The following OSBPL3 variants were observed in gnomAD, a reference collection of about 807,000 sequenced individuals.
OSBPL3 encodes the protein oxysterol-binding protein-related protein 3.
Under a neutral mutation model 120.1 loss-of-function variants are expected in OSBPL3, and 65 were observed. The ratio of observed to expected loss-of-function variants is 0.54; its 90% CI spans 0.44 to 0.67. The LOEUF (loss-of-function observed/expected upper bound fraction) is 0.67. Ranked by LOEUF, OSBPL3 falls within the 30% of genes least tolerant of loss-of-function variation. OSBPL3 has a pLI of 0.00. For synonymous variants in OSBPL3, 416 were observed against 402.6 expected (o/e 1.03, Z -0.40); for missense variants, 1,004 against 1,082.1 (o/e 0.93, Z 1.01).
chr7:24,887,695 T>C (rs141253940), intron 2 of OSBPL3, among the ~76,000 whole-genome samples: 2 of 152,244 alleles, frequency 1.3e-5, no homozygotes, highest in Non-Finnish European at 2.9e-5. Context: ...CACTAAGGGG[T>C]GACAAACACA....
intron 1 of OSBPL3, among the ~76,000 whole-genome samples, chr7:24,973,052 T>C (rs1051692812): frequency 6.6e-6 from 1 of 152,210 alleles, no homozygotes; most frequent in Non-Finnish European, 1.5e-5. Flanking sequence ...TAGCAAACTT[T>C]AGTTATAGTA....
chr7:24,864,433 G>C (rs1357035632), intron 7 of OSBPL3, among the ~76,000 whole-genome samples: 2 of 152,150 alleles, frequency 1.3e-5, no homozygotes, highest in Non-Finnish European at 2.9e-5. Flanking sequence ...TAAGTTCCCG[G>C]GTGGACGCTG....
At chr7:24,902,701 A>AAATAATAAT (rs70942894) in intron 1 of OSBPL3, among the ~76,000 whole-genome samples, 31,854 of 143,818 alleles carry the variant, frequency 0.22, 3,683 homozygotes, top group South Asian at 0.28. Context: ...AAGAGAAAAT[A>AAATAATAAT]AATAATAATA....
chr7:24,931,756 G>T (rs1328671190), intron 1 of OSBPL3, among the ~76,000 whole-genome samples: 1 of 143,524 alleles, frequency 7.0e-6, no homozygotes, highest in Non-Finnish European at 1.5e-5. Flanking sequence ...TTTCCTAAAA[G>T]AAAAAAAAAA....
Position 24,862,281 on chromosome 7 carries a change from G to T in OSBPL3, c.871-512C>A, listed in dbSNP as rs1800676005. 6.6e-6 allele frequency among the ~76,000 whole-genome samples: 1 copy of T among 152,190 alleles called. No individual in the cohort carries two copies. On this transcript the variant is annotated intron_variant, in intron 9 of 22. Transcript: ENST00000313367. The surrounding 1 kb of genome is among the most constrained non-coding windows in gnomAD (Gnocchi z 4.4). Reference sequence around the variant, plus strand: ...AACTTGCTTCTTGTGAGCTAAAAATGGGTGAGAAATCACATATTCTTTTGG... The same window carrying T: ...AACTTGCTTCTTGTGAGCTAAAAATTGGTGAGAAATCACATATTCTTTTGG...
intron 1 of OSBPL3, among the ~76,000 whole-genome samples, chr7:24,954,607 C>A (rs1814825174): frequency 1.3e-5 from 2 of 152,002 alleles, no homozygotes; most frequent in Admixed American, 1.3e-4. Flanking sequence ...CAGAGGGGGC[C>A]AAGATGTAAA....
At chr7:24,807,449 C>G (rs904268207) in intron 20 of OSBPL3, among the ~76,000 whole-genome samples, 1 of 152,002 alleles carries the variant, frequency 6.6e-6, no homozygotes, top group Non-Finnish European at 1.5e-5. Flanking sequence ...GCCAAGATCA[C>G]GCCACTGCAT....
intron 20 of OSBPL3, among the ~76,000 whole-genome samples, chr7:24,807,826 A>G (rs187653461): frequency 6.6e-6 from 1 of 152,320 alleles, no homozygotes; most frequent in African/African-American, 2.4e-5. Context: ...AATGTAGACT[A>G]CTAAGATCTA....
At chr7:24,941,496 G>A (rs1384119244) in intron 1 of OSBPL3, among the ~76,000 whole-genome samples, 2 of 152,078 alleles carry the variant, frequency 1.3e-5, no homozygotes, top group Non-Finnish European at 2.9e-5. Context: ...CCCACTAAAT[G>A]ATGCCACACA....
At chr7:24,902,889 TG>T (rs1358124878) in intron 1 of OSBPL3, among the ~76,000 whole-genome samples, 2 of 152,134 alleles carry the variant, frequency 1.3e-5, no homozygotes, top group Non-Finnish European at 2.9e-5. Flanking sequence ...TAGCAAGAGA[TG>T]AGTATTTCTC....
Position 24,806,883 on chromosome 7 carries a change from G to T in OSBPL3, c.2337C>A (p.Tyr779Ter). Reference protein sequence around the residue: ...VWRANPMPKGYEQYYSFTQFA... With the variant: ...VWRANPMPKG ...ACTGTGTGAAGCTATAGTATTGCTC[G>T]TAGCCTTTCGGCATAGGATCTAAGA... The change falls in exon 21 of 23, where the codon TAC becomes TAA. Residue 779 changes from tyrosine (Y) to a stop codon, truncating the protein, a stop_gained. Transcript: ENST00000313367. LOFTEE classifies it high-confidence loss of function. The surrounding 1 kb of genome is among the most constrained non-coding windows in gnomAD (Gnocchi z 5.2). The T allele has an allele frequency of 6.2e-7, 1 of 1,610,724 alleles. No homozygotes were observed. The highest frequency in any genetic ancestry group is 8.5e-7 in the Non-Finnish European group (1 of 1,178,332).
At position 24,863,256 on chromosome 7, in the gene OSBPL3, A is replaced by G; in HGVS notation, c.814T>C (p.Ser272Pro). ...SFESPKKEKR[S>P]HRRWRSRAIG... ...GCTCTGGACCGCCACCTCCTGTGCGATCTTTTTTCCTTTTTGGGACTTTCA... is the reference window on the plus strand; with the variant it reads ...GCTCTGGACCGCCACCTCCTGTGCGGTCTTTTTTCCTTTTTGGGACTTTCA... The change falls in exon 9 of 23, where the codon TCG becomes CCG. Residue 272 changes from serine (S) to proline (P), a missense_variant. Ser to Pro is a moderately conservative substitution (Grantham distance 74). This residue lies in a region of OSBPL3 where 272 missense variants were observed against 248.8 expected (regional missense o/e 1.09). Coordinates refer to ENST00000313367, the MANE Select transcript of OSBPL3 (RefSeq NM_015550.4). This position sits in a 1 kb window ranked among gnomAD's most constrained non-coding sequence, Gnocchi z 5.8. The G allele has an allele frequency of 2.5e-6, 4 of 1,614,162 alleles. No homozygotes were observed. Among genetic ancestry groups the G allele is most frequent in the Non-Finnish European group, 3.4e-6 (4 of 1,180,010 alleles).
chr7:24,816,275 G>A (rs1184931669), intron 18 of OSBPL3, among the ~76,000 whole-genome samples: 7 of 152,182 alleles, frequency 4.6e-5, no homozygotes, highest in African/African-American at 1.7e-4. Context: ...CAATCTGCCC[G>A]CCTTGGCCTC....
At chr7:24,843,078 G>C (rs1427920118) in intron 12 of OSBPL3, among the ~76,000 whole-genome samples, 1 of 151,972 alleles carries the variant, frequency 6.6e-6, no homozygotes, top group African/African-American at 2.4e-5. Context: ...TTCTTATCTC[G>C]CATGACCCTC....
chr7:24,925,264 G>C (rs570038532), intron 1 of OSBPL3, among the ~76,000 whole-genome samples: 3 of 152,212 alleles, frequency 2.0e-5, no homozygotes, highest in Non-Finnish European at 4.4e-5. Context: ...CATGTAGAGG[G>C]TGGGTGGTTA....
At position 24,919,085 on chromosome 7, in the gene OSBPL3, G is replaced by A. The variant is rs142944296; in HGVS notation, c.-149-26464C>T. ...AATCCACACCTTTTATATAAATACC[G>A]AGCTTAGATCTGAAAATGAATTCAT... On this transcript the variant is annotated intron_variant, in intron 1 of 22. Transcript: ENST00000313367. Among the ~76,000 whole-genome samples, 90 of 152,174 alleles carry A rather than the reference G, an allele frequency of 5.9e-4. 1 individual carries two copies. Among genetic ancestry groups the A allele is most frequent in the African/African-American group, 2.2e-3 (90 of 41,530 alleles).
intron 6 of OSBPL3, 120 bp downstream of exon 6, chr7:24,865,950 C>T: frequency 1.4e-6 from 1 of 739,514 alleles, no homozygotes; most frequent in East Asian, 2.5e-5. Flanking sequence ...AAATACCAGC[C>T]CAAGCCTACC....
intron 2 of OSBPL3, among the ~76,000 whole-genome samples, chr7:24,876,534 T>G (rs1802872771): frequency 6.6e-6 from 1 of 152,228 alleles, no homozygotes; most frequent in Non-Finnish European, 1.5e-5. Flanking sequence ...AAGTACTAAG[T>G]ATATATTTAG....
intron 16 of OSBPL3, among the ~76,000 whole-genome samples, chr7:24,825,370 T>C (rs368879679): frequency 9.9e-5 from 15 of 152,226 alleles, no homozygotes; most frequent in East Asian, 5.8e-4. Context: ...TTAAGGATGA[T>C]GCCAAGAATT....
Sources: allele counts gnomAD v4.1 joint callset (sites outside exome capture counted in the v4.1 genomes callset), GRCh38; gene constraint gnomAD v4.1.1; regional missense constraint gnomAD v4.1.1; non-coding constraint Gnocchi (gnomAD v3.1); transcripts MANE v1.5; gene names NCBI Gene and HGNC (gene_info 2026-07-23, HGNC 2026-07-21).